Variants in AIMP2 observed in about 807,000 individuals in gnomAD.
AIMP2 encodes the protein aminoacyl tRNA synthetase complex interacting multifunctional protein 2.
In AIMP2, 20 loss-of-function variants were observed where a neutral mutation model predicts 23.4. That is an observed-to-expected ratio of 0.85 (90% CI 0.60 to 1.24). The LOEUF (loss-of-function observed/expected upper bound fraction) is 1.24, where lower values mean the gene tolerates loss of function less well. Ranked by LOEUF, AIMP2 falls within the 50% of genes most tolerant of loss-of-function variation. The pLI is 0.00. For missense variants in AIMP2, 515 were observed against 414.5 expected (o/e 1.24, Z -2.10); for synonymous variants, 210 against 170.4 (o/e 1.23, Z -1.81).
Position 6,022,940 on chromosome 7 carries a change from A to T in AIMP2, c.575-363A>T, listed in dbSNP as rs887941434. On this transcript the variant is annotated intron_variant, in intron 3 of 3. Coordinates refer to ENST00000223029, the MANE Select transcript of AIMP2 (RefSeq NM_006303.4). ...TCATATCTTAATTGCCCTCAGTCTCACAGAAGGCGATTATGAGGCCAAGAG... is the reference window on the plus strand; with the variant it reads ...TCATATCTTAATTGCCCTCAGTCTCTCAGAAGGCGATTATGAGGCCAAGAG... 8 of 220,416 alleles carry T rather than the reference A, an allele frequency of 3.6e-5. No homozygotes were observed. In the East Asian group the frequency reaches 7.4e-4, roughly 20 times the overall value. The allele number at this position is 220,416 out of a possible 1,614,324, so 13.7% of individuals were successfully genotyped here. A position where few individuals can be genotyped will look rare whatever the true frequency, so the allele number is the denominator to read the frequency against.
At position 6,023,718 on chromosome 7, in the gene AIMP2, T is replaced by A; in HGVS notation, c.*27T>A. On this transcript the variant is annotated 3_prime_UTR_variant, in exon 4 of 4. Transcript: ENST00000223029. ...TTGCCGTAACTGATTTTAAAGGGTT[T>A]AGATTTTAAGAATGGTGCTCTTTCA... 6.2e-7 allele frequency: 1 copy of A among 1,614,194 alleles called. No individual in the cohort carries two copies. The highest frequency in any genetic ancestry group is 8.5e-7 in the Non-Finnish European group (1 of 1,180,034).
chr7:6,015,476 G>A (rs1786969270), intron 2 of AIMP2, 124 bp downstream of exon 2: 2 of 1,064,390 alleles, frequency 1.9e-6, no homozygotes, highest in South Asian at 1.5e-5. Flanking sequence ...TGTAATTCCA[G>A]CACTTTGGGA....
At chr7:6,010,758 T>C (rs541305409) in intron 1 of AIMP2, among the ~76,000 whole-genome samples, 2 of 151,750 alleles carry the variant, frequency 1.3e-5, no homozygotes, top group East Asian at 1.9e-4. Context: ...CCCTAAACAA[T>C]AGTCTTCATA....
intron 1 of AIMP2, among the ~76,000 whole-genome samples, chr7:6,010,153 C>G (rs1786534978): frequency 1.3e-5 from 2 of 150,644 alleles, no homozygotes; most frequent in South Asian, 2.1e-4. Flanking sequence ...AATTAAAATA[C>G]AAATCTGTCC....
intron 1 of AIMP2, among the ~76,000 whole-genome samples, chr7:6,014,089 C>T (rs1168240443): frequency 1.3e-5 from 2 of 152,104 alleles, no homozygotes; most frequent in African/African-American, 2.4e-5. Context: ...GTTACATTCT[C>T]ATTGCTACTT....
Position 6,014,986 on chromosome 7 carries a change from C to T in AIMP2, c.136-160C>T. 5 of 1,459,024 alleles carry T rather than the reference C, an allele frequency of 3.4e-6. No homozygotes were observed. The South Asian group carries it at 5.4e-5, about 16-fold the overall frequency. 90.4% of individuals were successfully genotyped at this position (1,459,024 alleles called of 1,614,324 possible). A position where few individuals can be genotyped will look rare whatever the true frequency, so the allele number is the denominator to read the frequency against. On this transcript the variant is annotated intron_variant, in intron 1 of 3. Coordinates refer to ENST00000223029, the MANE Select transcript of AIMP2 (RefSeq NM_006303.4). ...CTGCCTACCTGGACCTCCCGAAGTG[C>T]TGGGATTACAGGCGTGAGCCACCAC...
rs1786357576 is a variant in AIMP2 at position 6,009,433 on chromosome 7, ATG to A, written c.72_73del (p.Met24IlefsTer25). ...APLRVELPTCMYRLPNVHGRS... is the reference protein window; with the variant it reads ...APLRVELPTCXYRLPNVHGRS... ...TCTCCGTGTGGAGCTTCCCACCTGC[ATG>A]TACCGGCTCCCCAACGTGCACGGCA... On this transcript the variant is annotated frameshift_variant, in exon 1 of 4. Transcript: ENST00000223029. LOFTEE classifies it high-confidence loss of function. 23 of 1,611,242 alleles carry A rather than the reference ATG, an allele frequency of 1.4e-5. No individual in the cohort carries two copies. The highest frequency in any genetic ancestry group is 1.7e-5 in the Non-Finnish European group (20 of 1,179,904).
chr7:6,020,497 G>A (rs1028521904), intron 3 of AIMP2, among the ~76,000 whole-genome samples: 1 of 152,190 alleles, frequency 6.6e-6, no homozygotes, highest in Non-Finnish European at 1.5e-5. Flanking sequence ...ACTCTCATAA[G>A]ATTTTAGAAA....
chr7:6,009,337 G>T lies in AIMP2; in HGVS notation c.-27G>T. The T allele has an allele frequency of 6.2e-7, 1 of 1,611,716 alleles. No individual in the cohort carries two copies. The highest frequency in any genetic ancestry group is 1.3e-5 in the African/African-American group (1 of 75,000). On this transcript the variant is annotated 5_prime_UTR_variant, in exon 1 of 4. Transcript: ENST00000223029. ...TTCTGAGCGTTGGCCTTTGGCACGCGCTACCCCCTTTTGCTTTGGTTCTGC... is the reference window on the plus strand; with the variant it reads ...TTCTGAGCGTTGGCCTTTGGCACGCTCTACCCCCTTTTGCTTTGGTTCTGC...
At chr7:6,012,955 G>A in intron 1 of AIMP2, 2 of 988,380 alleles carry the variant, frequency 2.0e-6, no homozygotes, top group Non-Finnish European at 2.4e-6. Flanking sequence ...AGCAGACTAG[G>A]AGAGGTGAGA....
intron 3 of AIMP2, among the ~76,000 whole-genome samples, chr7:6,019,709 T>C (rs1374734369): frequency 1.3e-5 from 2 of 151,974 alleles, no homozygotes; most frequent in Non-Finnish European, 2.9e-5. Flanking sequence ...ATGAATTCAG[T>C]GTAAGAACCA....
Position 6,018,057 on chromosome 7 carries a change from G to C in AIMP2, c.574+12G>C, listed in dbSNP as rs747381930. ...AATTTGGAAGAATGGTAAGTAGACG[G>C]GACTGAGTTCAACTTACACACAGCT... On this transcript the variant is annotated intron_variant, in intron 3 of 3. Coordinates refer to ENST00000223029, the MANE Select transcript of AIMP2 (RefSeq NM_006303.4). The C allele has an allele frequency of 1.2e-6, 2 of 1,602,748 alleles. No homozygotes were observed. Among genetic ancestry groups the C allele is most frequent in the Admixed American group, 3.4e-5 (2 of 59,128 alleles).
chr7:6,022,089 T>C (rs983640594), intron 3 of AIMP2, among the ~76,000 whole-genome samples: 2 of 152,086 alleles, frequency 1.3e-5, no homozygotes, highest in African/African-American at 4.8e-5. Flanking sequence ...TCATTTTCTT[T>C]TAAAGAGGCA....
chr7:6,012,943 G>A, intron 1 of AIMP2: 1 of 989,550 alleles, frequency 1.0e-6, no homozygotes, highest in Non-Finnish European at 1.2e-6. Flanking sequence ...TTAAATAAGA[G>A]CAGCAGACTA....
At chr7:6,022,916 C>G in intron 3 of AIMP2, 1 of 195,290 alleles carries the variant, frequency 5.1e-6, no homozygotes, top group Non-Finnish European at 1.1e-5. Flanking sequence ...TCATGTCATT[C>G]ATATCTTAAT....
intron 1 of AIMP2, chr7:6,012,722 G>A: frequency 3.2e-6 from 2 of 631,734 alleles, no homozygotes; most frequent in Non-Finnish European, 4.7e-6. Context: ...ACCAAGCCCA[G>A]CTAATTTTTG....
intron 2 of AIMP2, among the ~76,000 whole-genome samples, chr7:6,016,276 G>A (rs1001697594): frequency 3.9e-5 from 6 of 152,150 alleles, no homozygotes; most frequent in East Asian, 3.8e-4. Context: ...AGACCACCTC[G>A]TTTGTTAACC....
chr7:6,012,684 C>A (rs536530205), intron 1 of AIMP2: 2 of 404,608 alleles, frequency 4.9e-6, no homozygotes, highest in East Asian at 1.9e-4. Flanking sequence ...CTTAGCCTCT[C>A]CAGTAGCTGG....
At position 6,009,974 on chromosome 7, in the gene AIMP2, A is replaced by AAAATATACATATATATATATATATATAT; in HGVS notation, c.135+477_135+478insAATATACATATATATATATATATATATA. 5.3e-4 allele frequency among the ~76,000 whole-genome samples: 14 copies of AAAATATACATATATATATATATATATAT among 26,664 alleles called. 1 individual carries two copies. The highest frequency in any genetic ancestry group is 9.8e-4 in the African/African-American group (7 of 7,136). The allele number at this position is 26,664 out of a possible 152,430, so 17.5% of individuals were successfully genotyped here. On this transcript the variant is annotated intron_variant, in intron 1 of 3. Coordinates refer to ENST00000223029, the MANE Select transcript of AIMP2 (RefSeq NM_006303.4). ...CAAAAAAAAAAAAAAAAAAAAAAAA[A>AAAATATACATATATATATATATATATAT]ATATATATATATATATATGTATGTA...
Sources: allele counts gnomAD v4.1 joint callset (sites outside exome capture counted in the v4.1 genomes callset), GRCh38; gene constraint gnomAD v4.1.1; transcripts MANE v1.5; gene names NCBI Gene and HGNC (gene_info 2026-07-23, HGNC 2026-07-21).